SIRPD: variants seen among roughly 807,000 people sequenced by gnomAD.
The protein encoded by SIRPD is signal regulatory protein delta.
Under a neutral mutation model 18.0 loss-of-function variants are expected in SIRPD, and 21 were observed. The ratio of observed to expected loss-of-function variants is 1.17; its 90% CI spans 0.83 to 1.68. The LOEUF is 1.68. Among genes scored for constraint, SIRPD ranks in the 40% most tolerant of loss-of-function variants. The pLI is 0.00. For synonymous variants in SIRPD, 106 were observed against 92.9 expected (o/e 1.14, Z -0.81); for missense variants, 295 against 238.4 (o/e 1.24, Z -1.56).
At chr20:1,536,535 G>T (rs1472883883) in intron 3 of SIRPD, among the ~76,000 whole-genome samples, 1 of 151,902 alleles carries the variant, frequency 6.6e-6, no homozygotes, top group East Asian at 1.9e-4. Flanking sequence ...AGAGAAGAGA[G>T]TAGACAGGCA....
chr20:1,556,068 C>T (rs1410441247), intron 1 of SIRPD, among the ~76,000 whole-genome samples: 4 of 152,162 alleles, frequency 2.6e-5, no homozygotes, highest in Non-Finnish European at 5.9e-5. Context: ...CAACATGGCT[C>T]CTTGCTTCTT....
At chr20:1,536,705 A>G (rs1174121332) in intron 3 of SIRPD, among the ~76,000 whole-genome samples, 2 of 152,142 alleles carry the variant, frequency 1.3e-5, no homozygotes, top group African/African-American at 4.8e-5. Context: ...TAATCTATCT[A>G]TTAATCACCT....
In SIRPD at chr20:1,537,043, G is replaced by T. The variant is rs139144264; in HGVS notation, c.577+112C>A. On this transcript the variant is annotated intron_variant, in intron 3 of 3. Coordinates refer to ENST00000381623, the MANE Select transcript of SIRPD (RefSeq NM_178460.3). ...AAGAGGAAGGGGTGGCAAAGAAAGAGGCCCTAGGACAACAGAGATTCATCC... is the reference window on the plus strand; with the variant it reads ...AAGAGGAAGGGGTGGCAAAGAAAGATGCCCTAGGACAACAGAGATTCATCC... 285 of 1,265,136 alleles carry T rather than the reference G, an allele frequency of 2.3e-4. 1 individual carries two copies. The African/African-American group carries it at 3.7e-3, about 16-fold the overall frequency. 78.4% of individuals were successfully genotyped at this position (1,265,136 alleles called of 1,614,324 possible). A position where few individuals can be genotyped will look rare whatever the true frequency, so the allele number is the denominator to read the frequency against.
chr20:1,539,970 C>T (rs1029509503), intron 2 of SIRPD, among the ~76,000 whole-genome samples: 26 of 152,216 alleles, frequency 1.7e-4, no homozygotes, highest in African/African-American at 6.3e-4. Context: ...ATCACTCAAC[C>T]TAAACTATGT....
chr20:1,547,926 T>C (rs1220516004), intron 2 of SIRPD, among the ~76,000 whole-genome samples: 2 of 152,252 alleles, frequency 1.3e-5, no homozygotes, highest in African/African-American at 4.8e-5. Flanking sequence ...TTTTTGTATA[T>C]TGAACTGTAC....
chr20:1,544,317 A>G (rs1469442641), intron 2 of SIRPD, among the ~76,000 whole-genome samples: 1 of 152,190 alleles, frequency 6.6e-6, no homozygotes, highest in African/African-American at 2.4e-5. Context: ...ATATATATTT[A>G]GGATAGTTAG....
chr20:1,553,299 G>C (rs2091027234), intron 1 of SIRPD, among the ~76,000 whole-genome samples: 1 of 152,168 alleles, frequency 6.6e-6, no homozygotes, highest in Non-Finnish European at 1.5e-5. Context: ...AGACTGGACT[G>C]TGGTGACCAC....
chr20:1,541,899 C>A (rs1402985000), intron 2 of SIRPD, among the ~76,000 whole-genome samples: 3 of 152,124 alleles, frequency 2.0e-5, no homozygotes, highest in Admixed American at 1.3e-4. Flanking sequence ...ATAGGGAATC[C>A]TTTCCCCATT....
chr20:1,538,711 T>C (rs2090958397), intron 2 of SIRPD, among the ~76,000 whole-genome samples: 1 of 152,154 alleles, frequency 6.6e-6, no homozygotes, highest in Non-Finnish European at 1.5e-5. Context: ...CAGGGACACA[T>C]GTAAGAGTTC....
In SIRPD at chr20:1,557,674, G is replaced by T. The variant is rs1484025298; in HGVS notation, c.-21C>A. 6.2e-7 allele frequency: 1 copy of T among 1,610,474 alleles called. No homozygotes were observed. The highest frequency in any genetic ancestry group is 1.1e-5 in the South Asian group (1 of 90,712). On this transcript the variant is annotated 5_prime_UTR_variant, in exon 1 of 4. Transcript: ENST00000381623. ...GGCATTGTGGTGAAACCTGGAGCTT[G>T]CTCTGCCTGAATGCCTGTCCTGGAG... is the stretch of plus-strand genomic sequence containing the variant.
intron 2 of SIRPD, among the ~76,000 whole-genome samples, chr20:1,542,252 A>G (rs2123124213): frequency 6.6e-6 from 1 of 152,270 alleles, no homozygotes; most frequent in African/African-American, 2.4e-5. Context: ...TTTTCACGAT[A>G]TTGATTATTC....
At chr20:1,554,124 T>G (rs1054784045) in intron 1 of SIRPD, 7 of 152,634 alleles carry the variant, frequency 4.6e-5, no homozygotes, top group Non-Finnish European at 1.0e-4. Flanking sequence ...GGGAAGTGGC[T>G]TCCATTGCAA....
intron 1 of SIRPD, among the ~76,000 whole-genome samples, chr20:1,554,974 C>T (rs1181470870): frequency 1.3e-5 from 2 of 152,164 alleles, no homozygotes; most frequent in African/African-American, 2.4e-5. Flanking sequence ...GCCACACTGA[C>T]ATTGAGTTCA....
chr20:1,536,403 T>A (rs1328351338), intron 3 of SIRPD, among the ~76,000 whole-genome samples: 25 of 140 alleles, frequency 0.18, no homozygotes, highest in African/African-American at 0.42. Flanking sequence ...CGGCCTGTCG[T>A]TTTTTTTTTT....
At chr20:1,542,615 T>C (rs2090977253) in intron 2 of SIRPD, among the ~76,000 whole-genome samples, 1 of 152,214 alleles carries the variant, frequency 6.6e-6, no homozygotes, top group African/African-American at 2.4e-5. Flanking sequence ...CTCTTCCTAT[T>C]TGAATACCCT....
At chr20:1,549,154 G>A (rs2091007053) in intron 2 of SIRPD, among the ~76,000 whole-genome samples, 1 of 151,444 alleles carries the variant, frequency 6.6e-6, no homozygotes, top group African/African-American at 2.4e-5. Context: ...TTCAATTGTT[G>A]TACTTTTGAA....
In SIRPD at chr20:1,549,229, A is replaced by C. The variant is rs533217615; in HGVS notation, c.421+2462T>G. On this transcript the variant is annotated intron_variant, in intron 2 of 3. Transcript: ENST00000381623. ...TTATTGATATCTTCTATTTGATGCA[A>C]CATTATCATGTTACTTTCTTGTACT... 5.1e-4 allele frequency among the ~76,000 whole-genome samples: 77 copies of C among 152,232 alleles called. 1 individual carries two copies. The South Asian group carries it at 5.4e-3, about 11-fold the overall frequency.
chr20:1,537,341 T>G (rs762450936), intron 2 of SIRPD, 31 bp from the exon 3 acceptor site: 1 of 1,603,000 alleles, frequency 6.2e-7, no homozygotes, highest in South Asian at 1.1e-5. Flanking sequence ...ATGTGTTCCA[T>G]GATATAAGAG....
intron 2 of SIRPD, among the ~76,000 whole-genome samples, chr20:1,548,340 C>CT (rs34139036): frequency 9.0e-4 from 136 of 151,060 alleles, no homozygotes; most frequent in East Asian, 2.7e-3. Flanking sequence ...TACCAAATTC[C>CT]TTTTTTTTTA....
Sources: allele counts gnomAD v4.1 joint callset (sites outside exome capture counted in the v4.1 genomes callset), GRCh38; gene constraint gnomAD v4.1.1; transcripts MANE v1.5; gene names NCBI Gene and HGNC (gene_info 2026-07-23, HGNC 2026-07-21).